DDR2: variants seen among roughly 807,000 people sequenced by gnomAD.
DDR2 encodes discoidin domain receptor tyrosine kinase 2.
In DDR2, 27 loss-of-function variants were observed where a neutral mutation model predicts 94.9. The observed-to-expected ratio is 0.28, with a 90% confidence interval of 0.21 to 0.39. The LOEUF is 0.39. Ranked by LOEUF, DDR2 falls within the 10% of genes least tolerant of loss-of-function variation. The pLI is 1.00. For missense variants in DDR2, 783 were observed against 1,076.0 expected, an observed-to-expected ratio of 0.73 and a Z score of 3.81; for synonymous variants, 382 against 377.2, an observed-to-expected ratio of 1.01 and a Z score of -0.15.
At chr1:162,679,953 A>G (rs1659325481) in intron 2 of DDR2, among the ~76,000 whole-genome samples, 1 of 151,912 alleles carries the variant, frequency 6.6e-6, no homozygotes, top group Non-Finnish European at 1.5e-5. Flanking sequence ...ATGTCTGTTC[A>G]TGTTCTTTGC....
intron 3 of DDR2, among the ~76,000 whole-genome samples, chr1:162,729,300 A>ATATATTTTTTTTT (rs1416872679): frequency 1.1e-5 from 1 of 94,002 alleles, no homozygotes; most frequent in African/African-American, 5.3e-5. Context: ...ATATATATAT[A>ATATATTTTTTTTT]TTTTTTTTTT....
intron 2 of DDR2, among the ~76,000 whole-genome samples, chr1:162,709,258 G>T (rs1449840785): frequency 1.3e-5 from 2 of 152,188 alleles, no homozygotes; most frequent in East Asian, 3.9e-4. Context: ...GTGGAGGGAA[G>T]TAACTTCAAT....
chr1:162,679,751 T>C (rs1173260248), intron 2 of DDR2, among the ~76,000 whole-genome samples: 1 of 144,162 alleles, frequency 6.9e-6, no homozygotes, highest in Non-Finnish European at 1.5e-5. Context: ...TAATTTGCAC[T>C]CCCACCAGCA....
chr1:162,728,156 A>G (rs189202229), intron 3 of DDR2, among the ~76,000 whole-genome samples: 138 of 138,828 alleles, frequency 9.9e-4, no homozygotes, highest in East Asian at 7.1e-3. Flanking sequence ...AGATATATCT[A>G]TATAAATATA....
Position 162,755,153 on chromosome 1 carries a change from C to T in DDR2, c.418-3C>T. ...CTTCACTCATTCTCTTCTCTCTCCT[C>T]AGGTGCTGGATGGAAATAGTAACCC... On this transcript the variant is annotated splice_polypyrimidine_tract_variant and splice_region_variant and intron_variant, in intron 5 of 17. Coordinates refer to ENST00000367921, the MANE Select transcript of DDR2 (RefSeq NM_006182.4). 1 of 1,614,104 alleles carries T rather than the reference C, an allele frequency of 6.2e-7. No homozygotes were observed. The highest frequency in any genetic ancestry group is 8.5e-7 in the Non-Finnish European group (1 of 1,179,994).
In DDR2 at chr1:162,761,365, C is replaced by T. The variant is rs1213546369; in HGVS notation, c.1010C>T (p.Pro337Leu). Residue 337 changes from proline (P) to leucine (L), a missense_variant, in exon 9 of 18, where the codon CCT (proline) becomes CTT (leucine). By Grantham distance (98) the Pro-to-Leu change is moderately conservative (BLOSUM62 -3). Around this residue, in one of 2 missense-constraint regions of DDR2, gnomAD observed 519 missense variants for 647.9 expected, o/e 0.80. Coordinates refer to ENST00000367921, the MANE Select transcript of DDR2 (RefSeq NM_006182.4). ...VNPSARFVTV[P>L]LHHRMASAIK... Reference sequence around the variant, plus strand: ...CCCAGTGCTCGGTTTGTCACGGTGCCTCTCCACCACCGAATGGCCAGTGCC... The same window carrying T: ...CCCAGTGCTCGGTTTGTCACGGTGCTTCTCCACCACCGAATGGCCAGTGCC... 2 of 1,614,226 alleles carry T rather than the reference C, an allele frequency of 1.2e-6. No homozygotes were observed. The highest frequency in any genetic ancestry group is 1.7e-4 in the Middle Eastern group (1 of 6,060).
intron 13 of DDR2, 125 bp from the exon 14 acceptor site, chr1:162,773,344 T>C: frequency 1.6e-6 from 2 of 1,280,364 alleles, no homozygotes; most frequent in Non-Finnish European, 2.2e-6. Flanking sequence ...CATATCTTCT[T>C]ATTGGTCTTT....
chr1:162,759,621 C>A (rs1009853413), intron 7 of DDR2, among the ~76,000 whole-genome samples, 175 bp from the exon 8 acceptor site: 1 of 152,136 alleles, frequency 6.6e-6, no homozygotes. Context: ...TCCATTGATG[C>A]AAGATAAACG....
intron 14 of DDR2, 50 bp from the exon 15 acceptor site, chr1:162,775,602 A>T (rs2102194811): frequency 6.3e-7 from 1 of 1,599,860 alleles, no homozygotes; most frequent in Non-Finnish European, 8.6e-7. Context: ...CTCTCTCTTG[A>T]TTCTGACTCT....
intron 12 of DDR2, 150 bp downstream of exon 12, chr1:162,770,662 C>G: frequency 1.2e-6 from 1 of 839,762 alleles, no homozygotes; most frequent in Non-Finnish European, 2.0e-6. Context: ...ATTTGGTCTG[C>G]CGCTGCTCCT....
At chr1:162,671,258 G>A (rs752312204) in intron 2 of DDR2, among the ~76,000 whole-genome samples, 2 of 152,132 alleles carry the variant, frequency 1.3e-5, no homozygotes, top group Non-Finnish European at 2.9e-5. Flanking sequence ...CATCAGCTCA[G>A]TTCCTACAGT....
chr1:162,656,759 T>C (rs2101911266), intron 2 of DDR2, among the ~76,000 whole-genome samples: 1 of 151,900 alleles, frequency 6.6e-6, no homozygotes, highest in Admixed American at 6.6e-5. Flanking sequence ...TTTTCAAACA[T>C]TATTTATCTA....
Position 162,667,811 on chromosome 1 carries a change from C to A in DDR2, c.-28+12437C>A, listed in dbSNP as rs374402741. Among the ~76,000 whole-genome samples, 20 of 152,276 alleles carry A rather than the reference C, an allele frequency of 1.3e-4. 1 individual carries two copies. The South Asian group carries it at 3.7e-3, about 28-fold the overall frequency. On this transcript the variant is annotated intron_variant, in intron 2 of 17. Coordinates refer to ENST00000367921, the MANE Select transcript of DDR2 (RefSeq NM_006182.4). The stretch of plus-strand genomic sequence containing the variant: ...CCTCAAGGGAAGTGTCTAGGGAAGG[C>A]CAGTCAGCATCTGGTTAGGCTTGGC...
Position 162,736,772 on chromosome 1 carries a change from G to A in DDR2, c.83-16323G>A, listed in dbSNP as rs112053683. The stretch of plus-strand genomic sequence containing the variant: ...AGTACGTGAAAGAATGGGCAGTGTG[G>A]TATTTCACTTCTCTTTTCTCAACTC... On this transcript the variant is annotated intron_variant, in intron 3 of 17. Transcript: ENST00000367921. 5.1e-3 allele frequency among the ~76,000 whole-genome samples: 783 copies of A among 152,286 alleles called. 8 individuals carry two copies. The highest frequency in any genetic ancestry group is 0.018 in the African/African-American group (761 of 41,560).
chr1:162,706,067 C>T (rs754098109), intron 2 of DDR2, among the ~76,000 whole-genome samples: 35 of 152,144 alleles, frequency 2.3e-4, no homozygotes, highest in African/African-American at 6.5e-4. Context: ...CAGTGGATCA[C>T]GCAAGAGAGG....
rs925209847 is a variant in DDR2 at position 162,685,052 on chromosome 1, A to C, written c.-28+29678A>C. Among the ~76,000 whole-genome samples the C allele has an allele frequency of 2.0e-5, 3 of 152,214 alleles. No homozygotes were observed. In the East Asian group the frequency reaches 5.8e-4, roughly 29 times the overall value. On this transcript the variant is annotated intron_variant, in intron 2 of 17. Coordinates refer to ENST00000367921, the MANE Select transcript of DDR2 (RefSeq NM_006182.4). ...GCTACAAGGGTGAATTCTGGAGATA[A>C]ATTTTCTGGGTTTAAATCACAATTT...
chr1:162,689,061 A>G (rs1014176608), intron 2 of DDR2, among the ~76,000 whole-genome samples: 26 of 152,218 alleles, frequency 1.7e-4, no homozygotes, highest in Non-Finnish European at 3.5e-4. Context: ...GCTTGGTTCC[A>G]GTGATCAGTG....
intron 2 of DDR2, among the ~76,000 whole-genome samples, chr1:162,716,988 G>A (rs1661194011): frequency 6.6e-6 from 1 of 151,470 alleles, no homozygotes; most frequent in Admixed American, 6.6e-5. Flanking sequence ...TCCAATGCTT[G>A]CTTGATTATT....
chr1:162,757,009 C>T (rs1663495263), intron 7 of DDR2, among the ~76,000 whole-genome samples: 1 of 152,080 alleles, frequency 6.6e-6, no homozygotes, highest in African/African-American at 2.4e-5. Flanking sequence ...AAAGTGCTCA[C>T]AATTTGGAGT....
Sources: allele counts gnomAD v4.1 joint callset (sites outside exome capture counted in the v4.1 genomes callset), GRCh38; gene constraint gnomAD v4.1.1; regional missense constraint gnomAD v4.1.1; transcripts MANE v1.5; gene names NCBI Gene and HGNC (gene_info 2026-07-23, HGNC 2026-07-21).